ZNF704: variants seen among roughly 807,000 people sequenced by gnomAD.
ZNF704 encodes the protein zinc finger protein 704, also known as glucocorticoid induced gene 1.
Under a neutral mutation model 44.7 loss-of-function variants are expected in ZNF704, and 10 were observed. That is an observed-to-expected ratio of 0.22 (90% CI 0.14 to 0.38). The LOEUF (loss-of-function observed/expected upper bound fraction) is 0.38. Ranked by LOEUF, ZNF704 falls within the 10% of genes least tolerant of loss-of-function variation. The pLI, the probability that ZNF704 is intolerant of heterozygous loss-of-function variation, is 1.00. For missense variants in ZNF704, 390 were observed against 545.5 expected (o/e 0.71, Z 2.84); for synonymous variants, 211 against 207.6 (o/e 1.02, Z -0.14).
chr8:80,676,010 T>C (rs1818359956), intron 4 of ZNF704, among the ~76,000 whole-genome samples: 1 of 152,142 alleles, frequency 6.6e-6, no homozygotes, highest in Admixed American at 6.6e-5. Flanking sequence ...GGTCAGCAGA[T>C]CATGATATTA....
chr8:80,699,752 T>C (rs945743945), intron 2 of ZNF704, among the ~76,000 whole-genome samples: 1 of 152,170 alleles, frequency 6.6e-6, no homozygotes, highest in African/African-American at 2.4e-5. Context: ...TAATTTCCAT[T>C]AAACTTTGAA....
At chr8:80,732,987 A>ATTATAATC (rs1806607781) in intron 2 of ZNF704, among the ~76,000 whole-genome samples, 1 of 151,646 alleles carries the variant, frequency 6.6e-6, no homozygotes, top group South Asian at 2.1e-4. Context: ...AACCAGCCAA[A>ATTATAATC]TTATAATCCT....
chr8:80,739,117 G>C (rs1449008378), intron 2 of ZNF704, among the ~76,000 whole-genome samples: 2 of 152,182 alleles, frequency 1.3e-5, no homozygotes, highest in Non-Finnish European at 2.9e-5. Flanking sequence ...TTTTTGGATT[G>C]CTAAAGTAAT....
chr8:80,665,510 T>C (rs750107332), intron 5 of ZNF704, among the ~76,000 whole-genome samples: 49 of 149,598 alleles, frequency 3.3e-4, no homozygotes, highest in African/African-American at 1.1e-3. Context: ...ATAATAGACA[T>C]TAGAGACTTC....
At chr8:80,743,231 A>T (rs1482203060) in intron 2 of ZNF704, among the ~76,000 whole-genome samples, 1 of 147,868 alleles carries the variant, frequency 6.8e-6, no homozygotes, top group African/African-American at 2.5e-5. Flanking sequence ...CTATTAAAAT[A>T]AAAAAAAAAC....
At chr8:80,793,026 G>A (rs957107331) in intron 2 of ZNF704, among the ~76,000 whole-genome samples, 1 of 152,208 alleles carries the variant, frequency 6.6e-6, no homozygotes, top group South Asian at 2.1e-4. Flanking sequence ...GTTAACCACA[G>A]TGCTATTTGT....
At chr8:80,658,383 CAA>C (rs35320697) in intron 7 of ZNF704, among the ~76,000 whole-genome samples, 14 of 136,532 alleles carry the variant, frequency 1.0e-4, no homozygotes, top group Middle Eastern at 3.6e-3. Context: ...TTATGTCTAC[CAA>C]AAAAAAAAAA....
intron 2 of ZNF704, among the ~76,000 whole-genome samples, chr8:80,721,949 T>C (rs975163994): frequency 2.0e-5 from 3 of 152,170 alleles, no homozygotes; most frequent in Non-Finnish European, 4.4e-5. Context: ...AAAGAAAGAC[T>C]GCCTTGGCCA....
chr8:80,884,383 T>C, the ZNF704 span, among the ~76,000 whole-genome samples: 1 of 152,152 alleles, frequency 6.6e-6, no homozygotes, highest in African/African-American at 2.4e-5. Flanking sequence ...ACCTCCTCCA[T>C]ATAAACCCCA....
chr8:80,823,024 GC>G (rs1808305875), intron 1 of ZNF704, among the ~76,000 whole-genome samples: 1 of 152,184 alleles, frequency 6.6e-6, no homozygotes, highest in Non-Finnish European at 1.5e-5. Context: ...CCTGAGTGAT[GC>G]AGAAGACAGG....
chr8:80,694,999 CA>C (rs61301958), intron 2 of ZNF704, among the ~76,000 whole-genome samples: 24,661 of 151,586 alleles, frequency 0.16, 3,942 homozygotes, highest in African/African-American at 0.42. Flanking sequence ...CACTTAGAGG[CA>C]AAAAAAACTG....
intron 7 of ZNF704, among the ~76,000 whole-genome samples, chr8:80,647,196 G>C (rs1817846867): frequency 6.6e-6 from 1 of 152,226 alleles, no homozygotes; most frequent in Admixed American, 6.5e-5. Context: ...GATCATTTTA[G>C]TGATAAGTAG....
intron 2 of ZNF704, among the ~76,000 whole-genome samples, chr8:80,695,232 GCATATC>G (rs1391272294): frequency 6.6e-6 from 1 of 152,230 alleles, no homozygotes; most frequent in Non-Finnish European, 1.5e-5. Flanking sequence ...GGGGCTTGCT[GCATATC>G]CACTAATCTA....
Position 80,874,133 on chromosome 8 carries a change from C to T in ZNF704, c.-22+438G>A, listed in dbSNP as rs1288575436. ...TCTGCCTCCGCCGGTGGCCGCAGGG[C>T]CGGGGACTCGCGGCCGCAAGGGGCT... On this transcript the variant is annotated intron_variant, in intron 1 of 8. Transcript: ENST00000327835. This position sits in a 1 kb window ranked among gnomAD's most constrained non-coding sequence, Gnocchi z 4.4. Among the ~76,000 whole-genome samples, 5 of 146,770 alleles carry T rather than the reference C, an allele frequency of 3.4e-5. No individual in the cohort carries two copies. The highest frequency in any genetic ancestry group is 9.8e-5 in the African/African-American group (4 of 40,944).
intron 2 of ZNF704, among the ~76,000 whole-genome samples, chr8:80,739,267 C>T (rs1806716614): frequency 6.6e-6 from 1 of 152,162 alleles, no homozygotes; most frequent in Non-Finnish European, 1.5e-5. Context: ...TCTTCTTATA[C>T]ATCAGGTGCT....
chr8:80,843,012 A>G (rs948481985), intron 1 of ZNF704, among the ~76,000 whole-genome samples: 1 of 152,180 alleles, frequency 6.6e-6, no homozygotes, highest in Non-Finnish European at 1.5e-5. Context: ...GGTGAGTCAA[A>G]AGACAACTCT....
intron 1 of ZNF704, among the ~76,000 whole-genome samples, chr8:80,830,526 T>C (rs544315939): frequency 6.6e-6 from 1 of 152,218 alleles, no homozygotes; most frequent in East Asian, 1.9e-4. Flanking sequence ...GTGATGGAAA[T>C]GTCCTAGGAC....
chr8:80,805,088 T>C (rs1158379020), intron 2 of ZNF704, among the ~76,000 whole-genome samples: 2 of 152,194 alleles, frequency 1.3e-5, no homozygotes, highest in African/African-American at 4.8e-5. Flanking sequence ...TTAAATATCT[T>C]ACCCCTGAAG....
chr8:80,670,471 G>A, intron 5 of ZNF704, 32 bp downstream of exon 5: 1 of 1,529,690 alleles, frequency 6.5e-7, no homozygotes, highest in South Asian at 1.1e-5. Context: ...GAGCAGATGG[G>A]GGCTGCATCC....
Sources: allele counts gnomAD v4.1 joint callset (sites outside exome capture counted in the v4.1 genomes callset), GRCh38; gene constraint gnomAD v4.1.1; non-coding constraint Gnocchi (gnomAD v3.1); transcripts MANE v1.5; gene names NCBI Gene and HGNC (gene_info 2026-07-23, HGNC 2026-07-21).